THSD7B: variants seen among roughly 807,000 people sequenced by gnomAD.
The protein encoded by THSD7B is thrombospondin type-1 domain-containing protein 7B.
Under a neutral mutation model 213.6 loss-of-function variants are expected in THSD7B, and 138 were observed. The ratio of observed to expected loss-of-function variants is 0.65; its 90% CI spans 0.56 to 0.74. The LOEUF (loss-of-function observed/expected upper bound fraction) is 0.74. Ranked by LOEUF, THSD7B falls within the 30% of genes least tolerant of loss-of-function variation. THSD7B has a pLI of 0.00. For missense variants in THSD7B, 1,931 were observed against 1,991.5 expected (o/e 0.97, Z 0.58); for synonymous variants, 742 against 687.0 (o/e 1.08, Z -1.25).
chr2:137,040,460 C>G (rs1686858853), intron 2 of THSD7B, among the ~76,000 whole-genome samples: 1 of 150,732 alleles, frequency 6.6e-6, no homozygotes, highest in South Asian at 2.1e-4. Context: ...ATGGCGCAAT[C>G]TTGGCTCACT....
chr2:136,923,145 T>C, intron 2 of THSD7B, among the ~76,000 whole-genome samples: 1 of 152,146 alleles, frequency 6.6e-6, no homozygotes, highest in East Asian at 1.9e-4. Flanking sequence ...GGCAACCAAC[T>C]ATCTGCTTTC....
chr2:137,102,466 C>A (rs2104926202), intron 4 of THSD7B, among the ~76,000 whole-genome samples: 1 of 152,204 alleles, frequency 6.6e-6, no homozygotes, highest in South Asian at 2.1e-4. Flanking sequence ...TTCCAAAAAC[C>A]AGAATTCCTC....
chr2:137,342,850 G>A (rs1455671173), intron 12 of THSD7B, among the ~76,000 whole-genome samples: 2 of 151,548 alleles, frequency 1.3e-5, no homozygotes, highest in African/African-American at 4.8e-5. Flanking sequence ...ATTTGCATAC[G>A]GTAAACCATC....
chr2:137,126,181 C>A (rs1411039985), intron 5 of THSD7B, among the ~76,000 whole-genome samples: 1 of 152,146 alleles, frequency 6.6e-6, no homozygotes, highest in Admixed American at 6.6e-5. Context: ...GTCAGCCTAT[C>A]TTTTAAAGCT....
Position 137,092,028 on chromosome 2 carries a change from G to T in THSD7B, c.951-2845G>T, listed in dbSNP as rs373686637. Among the ~76,000 whole-genome samples the T allele has an allele frequency of 6.6e-5, 10 of 152,100 alleles. No homozygotes were observed. The East Asian group carries it at 9.6e-4, about 15-fold the overall frequency. On this transcript the variant is annotated intron_variant, in intron 3 of 27. Coordinates refer to ENST00000409968, the MANE Select transcript of THSD7B (RefSeq NM_001316349.2). The stretch of plus-strand genomic sequence containing the variant: ...TTCTGTCTAGTGGATTTTGATCCCA[G>T]GCCCCAAAATTGTCACATTGAATTG...
chr2:137,233,203 T>C, intron 9 of THSD7B, 70 bp downstream of exon 9: 1 of 1,368,336 alleles, frequency 7.3e-7, no homozygotes, highest in Non-Finnish European at 1.0e-6. Flanking sequence ...TGAAAGCATT[T>C]ATCAAGCAAT....
chr2:137,470,962 C>T (rs555274850), intron 15 of THSD7B, among the ~76,000 whole-genome samples: 1 of 142,364 alleles, frequency 7.0e-6, no homozygotes, highest in East Asian at 2.1e-4. Context: ...CTTCATCACT[C>T]AGGCTGGAGT....
intron 5 of THSD7B, among the ~76,000 whole-genome samples, chr2:137,132,895 C>T (rs958323): frequency 0.67 from 101,977 of 152,094 alleles, 35,936 homozygotes; most frequent in Non-Finnish European, 0.77. Context: ...AATTTACCTA[C>T]TTTTTCTATA....
intron 7 of THSD7B, among the ~76,000 whole-genome samples, chr2:137,217,097 G>A (rs527978243): frequency 1.3e-5 from 2 of 152,234 alleles, no homozygotes; most frequent in South Asian, 4.1e-4. Flanking sequence ...CCCCCTGGAG[G>A]AATTGTATAC....
rs1301579036 is a variant in THSD7B, at chr2:137,236,389, G to A, written c.2150+3256G>A. ...ACAGGTGAGACTGTTACCATTGTACGAGTAATCGAACTGATCATATCAGAA... is the reference window on the plus strand; with the variant it reads ...ACAGGTGAGACTGTTACCATTGTACAAGTAATCGAACTGATCATATCAGAA... On this transcript the variant is annotated intron_variant, in intron 9 of 27. Transcript: ENST00000409968. Among the ~76,000 whole-genome samples the A allele has an allele frequency of 3.3e-5, 5 of 152,272 alleles. 1 individual carries two copies. The highest frequency in any genetic ancestry group is 2.1e-4 in the South Asian group (1 of 4,822).
intron 2 of THSD7B, among the ~76,000 whole-genome samples, chr2:136,973,085 C>T (rs1685428914): frequency 6.6e-6 from 1 of 152,092 alleles, no homozygotes; most frequent in South Asian, 2.1e-4. Context: ...ATCTCCAGTC[C>T]ACTCCAACAC....
chr2:136,882,264 C>G lies in THSD7B; in HGVS notation c.86C>G (p.Ser29Cys). ...TTTCTATTGCTTTCTCTCTTGCTGT[C>G]CCATGCAGCTCATTTGGAAGGCAAA... ...KLFLLLSLLL[S>C]HAAHLEGKKD... The change falls in exon 2 of 28, where the codon TCC (serine) becomes TGC (cysteine). Residue 29 changes from serine to cysteine, a missense_variant. Transcript: ENST00000409968. The G allele has an allele frequency of 6.5e-7, 1 of 1,544,716 alleles. No individual in the cohort carries two copies. The highest frequency in any genetic ancestry group is 8.7e-7 in the Non-Finnish European group (1 of 1,144,464).
intron 2 of THSD7B, among the ~76,000 whole-genome samples, chr2:136,994,555 G>A (rs1685847121): frequency 1.3e-5 from 2 of 152,136 alleles, no homozygotes; most frequent in Non-Finnish European, 2.9e-5. Context: ...ACTGAGGGAA[G>A]CTCTGTCTTA....
At chr2:137,041,324 G>C (rs960840946) in intron 2 of THSD7B, among the ~76,000 whole-genome samples, 12 of 152,084 alleles carry the variant, frequency 7.9e-5, no homozygotes, top group Non-Finnish European at 1.3e-4. Context: ...ATGAGCATAA[G>C]GGGTGCAGAT....
chr2:137,350,230 C>A (rs184703754), intron 12 of THSD7B, among the ~76,000 whole-genome samples: 4 of 151,520 alleles, frequency 2.6e-5, no homozygotes, highest in Admixed American at 6.6e-5. Flanking sequence ...GTTCAGAGTA[C>A]AATAAATAAG....
At chr2:137,354,045 T>C (rs1685071937) in intron 12 of THSD7B, among the ~76,000 whole-genome samples, 2 of 152,110 alleles carry the variant, frequency 1.3e-5, no homozygotes, top group Admixed American at 6.6e-5. Context: ...TGTAACTACA[T>C]GGCTGGCTCT....
intron 16 of THSD7B, among the ~76,000 whole-genome samples, chr2:137,572,179 T>C (rs1681367408): frequency 6.6e-6 from 1 of 152,202 alleles, no homozygotes; most frequent in South Asian, 2.1e-4. Context: ...CCATTGCCTC[T>C]AGTCTTTCCA....
intron 5 of THSD7B, among the ~76,000 whole-genome samples, chr2:137,138,164 G>A (rs748209188): frequency 1.0e-3 from 156 of 152,200 alleles, no homozygotes; most frequent in Non-Finnish European, 1.6e-3. Context: ...AAAGTGCTAA[G>A]GCATGATGAA....
At chr2:136,903,442 T>C (rs1573700733) in intron 2 of THSD7B, among the ~76,000 whole-genome samples, 1 of 152,226 alleles carries the variant, frequency 6.6e-6, no homozygotes, top group Admixed American at 6.5e-5. Flanking sequence ...GTTGTTTGTT[T>C]GCTTGCTTGC....
Sources: allele counts gnomAD v4.1 joint callset (sites outside exome capture counted in the v4.1 genomes callset), GRCh38; gene constraint gnomAD v4.1.1; transcripts MANE v1.5; gene names NCBI Gene and HGNC (gene_info 2026-07-23, HGNC 2026-07-21).